The following MSN variants were observed in gnomAD, a reference collection of about 807,000 sequenced individuals.
MSN encodes the protein epididymis luminal protein 70.
MSN carries 2 observed loss-of-function variants against 48.0 expected under a neutral mutation model. The ratio of observed to expected loss-of-function variants is 0.04; its 90% confidence interval spans 0.02 to 0.13. MSN has a LOEUF of 0.13. MSN is among the 10% of genes least tolerant of loss of function. The pLI, the probability that MSN is intolerant of heterozygous loss-of-function variation, is 1.00. For synonymous variants in MSN, 146 were observed against 166.9 expected, an observed-to-expected ratio of 0.87 and a Z score of 0.97; for missense variants, 267 against 470.1, an observed-to-expected ratio of 0.57 and a Z score of 3.99.
intron 6 of MSN, 31 bp from the exon 7 acceptor site, chrX:65,733,153 G>A (rs1291743519): frequency 8.7e-7 from 1 of 1,145,824 alleles, no homozygotes; most frequent in Non-Finnish European, 1.2e-6. Context: ...TCTTGCCCTT[G>A]TCCTGATGTT....
At chrX:65,658,882 T>C (rs1459742157) in intron 1 of MSN, among the ~76,000 whole-genome samples, 1 of 110,095 alleles carries the variant, frequency 9.1e-6, no homozygotes, top group East Asian at 2.8e-4. Flanking sequence ...TCTTGCTCTG[T>C]CACCCAGGCT....
At chrX:65,618,899 C>T (rs1409766892) in intron 1 of MSN, among the ~76,000 whole-genome samples, 1 of 110,359 alleles carries the variant, frequency 9.1e-6, no homozygotes, top group Non-Finnish European at 1.9e-5. Context: ...GTAAGGCAGG[C>T]CTGGTGGTGA....
intron 1 of MSN, among the ~76,000 whole-genome samples, chrX:65,637,696 C>A (rs1341185266): frequency 2.8e-5 from 3 of 106,463 alleles, no homozygotes; most frequent in South Asian, 4.1e-4. Context: ...CTATTTATTT[C>A]TTTTTTTTTT....
intron 1 of MSN, among the ~76,000 whole-genome samples, chrX:65,599,402 A>G (rs2070213796): frequency 8.9e-6 from 1 of 112,813 alleles, no homozygotes; most frequent in African/African-American, 3.2e-5. Context: ...TGGGAGGCTG[A>G]GGCGGGCAGA....
intron 1 of MSN, among the ~76,000 whole-genome samples, chrX:65,599,358 G>C (rs190990592): frequency 1.8e-5 from 2 of 112,388 alleles, no homozygotes; most frequent in African/African-American, 6.5e-5. Flanking sequence ...AGTAAGGCTG[G>C]GTGCAGTGGC....
chrX:65,635,453 C>T (rs1452836973), intron 1 of MSN, among the ~76,000 whole-genome samples: 1 of 111,475 alleles, frequency 9.0e-6, no homozygotes, highest in Non-Finnish European at 1.9e-5. Flanking sequence ...GGTGGGGGCC[C>T]TCCAGCAGAC....
chrX:65,601,016 T>C (rs1180096865), intron 1 of MSN, among the ~76,000 whole-genome samples: 1 of 112,193 alleles, frequency 8.9e-6, no homozygotes, highest in Non-Finnish European at 1.9e-5. Flanking sequence ...ATTATAGCTG[T>C]CTAAGCCAAA....
intron 1 of MSN, among the ~76,000 whole-genome samples, chrX:65,603,180 G>A (rs948100738): frequency 9.0e-6 from 1 of 111,703 alleles, no homozygotes; most frequent in Non-Finnish European, 1.9e-5. Context: ...TGTAATCCCA[G>A]CTACTCAGGA....
chrX:65,726,031 G>T (rs750970893), intron 2 of MSN, among the ~76,000 whole-genome samples: 124 of 111,748 alleles, frequency 1.1e-3, no homozygotes, highest in Non-Finnish European at 9.4e-4. Flanking sequence ...ATTTTGCTCA[G>T]GTTTCCTGAT....
At chrX:65,695,104 GT>G (rs1569463492) in intron 1 of MSN, among the ~76,000 whole-genome samples, 2 of 106,739 alleles carry the variant, frequency 1.9e-5, no homozygotes, top group African/African-American at 7.5e-5. Flanking sequence ...GTGTGTGTGT[GT>G]GTGTGGTGGT....
Position 65,738,592 on chromosome X carries a change from G to A in MSN, c.1319G>A (p.Ser440Asn). 2 of 1,209,284 alleles carry A rather than the reference G, an allele frequency of 1.7e-6. No homozygotes were observed. Among genetic ancestry groups the A allele is most frequent in the Non-Finnish European group, 2.2e-6 (2 of 894,161 alleles). ...GAGATGGCCCGACAGAAGAAGGAGAGTGAGGCTGTGGAGTGGCAGCAGAAG... is the reference window on the plus strand; with the variant it reads ...GAGATGGCCCGACAGAAGAAGGAGAATGAGGCTGTGGAGTGGCAGCAGAAG... ...QLEMARQKKE[S>N]EAVEWQQKAQ... The change falls in exon 11 of 13, where the codon AGT becomes AAT. Residue 440 changes from serine (S) to asparagine (N), a missense_variant. Transcript: ENST00000360270.
intron 1 of MSN, among the ~76,000 whole-genome samples, chrX:65,607,445 C>T (rs983962676): frequency 1.8e-5 from 2 of 111,507 alleles, no homozygotes; most frequent in African/African-American, 3.3e-5. Flanking sequence ...TAGAGTAGAC[C>T]TCATAACTGG....
Position 65,694,606 on chromosome X carries a change from G to C in MSN, c.13-22212G>C, listed in dbSNP as rs895407441. On this transcript the variant is annotated intron_variant, in intron 1 of 12. Coordinates refer to ENST00000360270, the MANE Select transcript of MSN (RefSeq NM_002444.3). ...AGCCTCCAAAAGTGCTGGGATTACA[G>C]GCGTGAGCCACCACGCCCGGCACTC... is the stretch of plus-strand genomic sequence containing the variant. Among the ~76,000 whole-genome samples, 47 of 112,233 alleles carry C rather than the reference G, an allele frequency of 4.2e-4. 1 individual carries two copies. Among genetic ancestry groups the C allele is most frequent in the Admixed American group, 3.2e-3 (34 of 10,610 alleles).
At chrX:65,685,817 T>G (rs1055921159) in intron 1 of MSN, among the ~76,000 whole-genome samples, 8 of 112,294 alleles carry the variant, frequency 7.1e-5, no homozygotes, top group African/African-American at 2.6e-4. Flanking sequence ...AACTGTTGGC[T>G]TCAAGCAATC....
At chrX:65,736,305 G>A (rs1251095410) in intron 8 of MSN, among the ~76,000 whole-genome samples, 1 of 111,067 alleles carries the variant, frequency 9.0e-6, no homozygotes, top group East Asian at 2.8e-4. Context: ...GTGTACACTG[G>A]CCTATGTGGG....
rs200833135 is a variant in MSN at position 65,738,521 on chromosome X, G to T, written c.1252-4G>T. 1.7e-6 allele frequency: 2 copies of T among 1,202,651 alleles called. No individual in the cohort carries two copies. The highest frequency in any genetic ancestry group is 2.2e-6 in the Non-Finnish European group (2 of 890,695). ...GCTCTCACAGGCTTCCAATTTATCC[G>T]TAGGCCTTGGAAATGGCAGAGCTGA... is the stretch of plus-strand genomic sequence containing the variant. On this transcript the variant is annotated splice_polypyrimidine_tract_variant and splice_region_variant and intron_variant, in intron 10 of 12. Transcript: ENST00000360270.
chrX:65,621,994 T>C (rs980326408), intron 1 of MSN, among the ~76,000 whole-genome samples: 8 of 112,162 alleles, frequency 7.1e-5, no homozygotes, highest in Admixed American at 5.7e-4. Flanking sequence ...CTGAATTTGA[T>C]TATTAGCTCT....
chrX:65,737,590 C>T (rs1282083735), intron 10 of MSN, among the ~76,000 whole-genome samples: 1 of 111,745 alleles, frequency 8.9e-6, no homozygotes, highest in Non-Finnish European at 1.9e-5. Context: ...ATTGACCTGG[C>T]AAAGGAAAGG....
chrX:65,699,234 G>A (rs1343617906), intron 1 of MSN, among the ~76,000 whole-genome samples: 2 of 111,998 alleles, frequency 1.8e-5, no homozygotes. Flanking sequence ...CAGACCTACA[G>A]GGGGAAGTAA....
Sources: gnomAD v4.1 joint callset for allele counts (sites outside exome capture counted in the v4.1 genomes callset) on GRCh38, gnomAD v4.1.1 for gene constraint, MANE v1.5 for transcripts, NCBI Gene and HGNC (gene_info 2026-07-23, HGNC 2026-07-21) for gene names.